RALGPS1: variants seen among roughly 807,000 people sequenced by gnomAD.
The protein encoded by RALGPS1 is Ral GEF with PH domain and SH3 binding motif 1.
RALGPS1 carries 19 observed loss-of-function variants against 78.8 expected under a neutral mutation model. The ratio of observed to expected loss-of-function variants is 0.24; its 90% CI spans 0.17 to 0.35. The LOEUF is 0.35. RALGPS1 is among the 10% of genes least tolerant of loss of function. The pLI is 1.00. For synonymous variants in RALGPS1, 228 were observed against 256.3 expected (o/e 0.89, Z 1.06); for missense variants, 454 against 688.3 (o/e 0.66, Z 3.81).
At chr9:127,117,039 T>G (rs966943940) in intron 8 of RALGPS1, among the ~76,000 whole-genome samples, 6 of 152,228 alleles carry the variant, frequency 3.9e-5, no homozygotes, top group African/African-American at 1.4e-4. Flanking sequence ...CACCCACATC[T>G]GATCATGTCA....
chr9:127,014,536 G>A (rs1363322196), intron 4 of RALGPS1, among the ~76,000 whole-genome samples: 1 of 152,100 alleles, frequency 6.6e-6, no homozygotes, highest in African/African-American at 2.4e-5. Context: ...ACTGGGATGG[G>A]GGAGAAGACT....
intron 8 of RALGPS1, among the ~76,000 whole-genome samples, chr9:127,134,010 C>CT (rs553966854): frequency 2.6e-4 from 39 of 151,014 alleles, no homozygotes; most frequent in Admixed American, 2.4e-3. Flanking sequence ...CCTCGCTCCC[C>CT]CCCCCGTGAA....
intron 11 of RALGPS1, among the ~76,000 whole-genome samples, chr9:127,187,829 C>T (rs1056830787): frequency 7.9e-5 from 12 of 152,266 alleles, no homozygotes; most frequent in East Asian, 3.9e-4. Flanking sequence ...AACAACTGCA[C>T]GAGATGTTTC....
In RALGPS1 at chr9:127,174,787, C is replaced by T. The variant is rs771375197; in HGVS notation, c.910+5C>T. ...CTTCCAAGGAAGATCTTGCAGGTAT[C>T]GTAGCTACCTCGAGTGGGAGCAAAC... On this transcript the variant is annotated splice_donor_5th_base_variant and intron_variant, in intron 11 of 18. Coordinates refer to ENST00000259351, the MANE Select transcript of RALGPS1 (RefSeq NM_014636.3). 7 of 1,613,756 alleles carry T rather than the reference C, an allele frequency of 4.3e-6. No homozygotes were observed. The highest frequency in any genetic ancestry group is 2.2e-5 in the South Asian group (2 of 91,062).
chr9:127,057,398 C>T (rs534475257), intron 7 of RALGPS1, among the ~76,000 whole-genome samples: 39 of 152,294 alleles, frequency 2.6e-4, no homozygotes, highest in Admixed American at 1.1e-3. Context: ...GGCTGCATCA[C>T]GGATGACTTC....
intron 8 of RALGPS1, among the ~76,000 whole-genome samples, chr9:127,121,002 G>A (rs1304103086): frequency 1.3e-5 from 2 of 152,138 alleles, no homozygotes; most frequent in East Asian, 3.9e-4. Flanking sequence ...GAAAGCAGTA[G>A]GGTGTGGTTG....
At chr9:127,027,931 A>G (rs953703136) in intron 4 of RALGPS1, among the ~76,000 whole-genome samples, 18 of 152,132 alleles carry the variant, frequency 1.2e-4, no homozygotes, top group Non-Finnish European at 2.1e-4. Context: ...TTGTTTGTGG[A>G]TTCAGCAAGT....
chr9:127,198,067 G>A (rs1002951667), intron 13 of RALGPS1, among the ~76,000 whole-genome samples: 2 of 152,248 alleles, frequency 1.3e-5, no homozygotes, highest in Admixed American at 6.5e-5. Context: ...GGAGTCAGAT[G>A]CAGAGCTGTC....
chr9:127,182,943 A>G (rs2060376165), intron 11 of RALGPS1, among the ~76,000 whole-genome samples: 3 of 152,188 alleles, frequency 2.0e-5, no homozygotes. Context: ...TGGCACCAAC[A>G]TCTGCTTGGC....
chr9:127,161,279 G>A (rs989854002), intron 8 of RALGPS1, among the ~76,000 whole-genome samples: 1 of 152,216 alleles, frequency 6.6e-6, no homozygotes, highest in South Asian at 2.1e-4. Context: ...CTTCAAATAG[G>A]GCCAGCCGTA....
intron 2 of RALGPS1, 55 bp downstream of exon 2, chr9:126,962,401 C>T (rs1463834591): frequency 6.4e-7 from 1 of 1,567,372 alleles, no homozygotes; most frequent in Non-Finnish European, 8.8e-7. Flanking sequence ...TTTCAGCTAA[C>T]CCAGGCCCCA....
At chr9:127,026,140 G>A (rs2045942225) in intron 4 of RALGPS1, among the ~76,000 whole-genome samples, 1 of 152,170 alleles carries the variant, frequency 6.6e-6, no homozygotes, top group African/African-American at 2.4e-5. Context: ...AAGCTGAGGA[G>A]CAAGGAGACC....
rs1350338134 is a variant in RALGPS1, at chr9:126,989,827, A to G, written c.216+12082A>G. ...GATTCGATTTCACCCTTCCTGCATC[A>G]GGCTGGAGCTCGAGACCTTGAGCTT... is the stretch of plus-strand genomic sequence containing the variant. On this transcript the variant is annotated intron_variant, in intron 4 of 18. Transcript: ENST00000259351. 2.6e-6 allele frequency: 4 copies of G among 1,533,178 alleles called. No homozygotes were observed. The Admixed American group carries it at 6.2e-5, about 24-fold the overall frequency. 95.0% of individuals were successfully genotyped at this position (1,533,178 alleles called of 1,614,324 possible). A position where few individuals can be genotyped will look rare whatever the true frequency, so the allele number is the denominator to read the frequency against.
intron 4 of RALGPS1, among the ~76,000 whole-genome samples, chr9:127,003,373 C>G (rs1048830403): frequency 6.6e-6 from 1 of 151,762 alleles, no homozygotes; most frequent in African/African-American, 2.4e-5. Context: ...AACAAACAAC[C>G]CCATCAAAAA....
intron 8 of RALGPS1, chr9:127,107,896 C>T (rs367906872): frequency 2.1e-4 from 322 of 1,516,956 alleles, no homozygotes; most frequent in Non-Finnish European, 2.8e-4. Flanking sequence ...ACATGTAACA[C>T]GATCCCAGAA....
chr9:126,957,274 G>A (rs1014924697), intron 1 of RALGPS1, among the ~76,000 whole-genome samples: 2 of 152,218 alleles, frequency 1.3e-5, no homozygotes, highest in African/African-American at 4.8e-5. Context: ...GGGCCTGAGG[G>A]CTGTGTTGAA....
At chr9:127,206,002 G>A (rs983166972) in intron 14 of RALGPS1, among the ~76,000 whole-genome samples, 8 of 152,230 alleles carry the variant, frequency 5.3e-5, no homozygotes, top group African/African-American at 1.9e-4. Context: ...CCCATAGAAA[G>A]CAAATGTCCT....
chr9:127,143,251 ATAT>A (rs752540341), intron 8 of RALGPS1, among the ~76,000 whole-genome samples: 11 of 152,158 alleles, frequency 7.2e-5, no homozygotes, highest in Non-Finnish European at 1.2e-4. Flanking sequence ...AAGGATACCA[ATAT>A]TATTCTGGCT....
chr9:127,018,903 G>A (rs1783398051), intron 4 of RALGPS1, among the ~76,000 whole-genome samples: 1 of 152,156 alleles, frequency 6.6e-6, no homozygotes, highest in African/African-American at 2.4e-5. Context: ...ATTATAATCT[G>A]ATGGGACCAC....
Sources: gnomAD v4.1 joint callset for allele counts (sites outside exome capture counted in the v4.1 genomes callset) on GRCh38, gnomAD v4.1.1 for gene constraint, MANE v1.5 for transcripts, NCBI Gene and HGNC (gene_info 2026-07-23, HGNC 2026-07-21) for gene names.